Variants in SCARA5 observed in about 807,000 individuals in gnomAD.
The protein encoded by SCARA5 is scavenger receptor class A, member 5 (putative).
SCARA5 carries 45 observed loss-of-function variants against 46.3 expected under a neutral mutation model. The observed-to-expected ratio is 0.97, with a 90% CI of 0.76 to 1.24. SCARA5 has a LOEUF of 1.24. SCARA5 is among the 50% of genes most tolerant of loss of function. SCARA5 has a pLI of 0.00. For missense variants in SCARA5, 680 were observed against 689.0 expected, an observed-to-expected ratio of 0.99 and a Z score of 0.15; for synonymous variants, 333 against 306.5, an observed-to-expected ratio of 1.09 and a Z score of -0.90.
chr8:27,986,646 C>T (rs540705794), intron 2 of SCARA5, among the ~76,000 whole-genome samples: 114 of 152,306 alleles, frequency 7.5e-4, no homozygotes, highest in African/African-American at 2.5e-3. Context: ...CGGTTCTTTC[C>T]CTACACTCAG....
chr8:27,958,409 C>T (rs766405957), intron 3 of SCARA5, among the ~76,000 whole-genome samples: 3 of 152,156 alleles, frequency 2.0e-5, no homozygotes, highest in South Asian at 2.1e-4. Context: ...GTACAGTGAC[C>T]TGCCCAGGTG....
intron 3 of SCARA5, among the ~76,000 whole-genome samples, chr8:27,935,146 C>T (rs1425397019): frequency 6.6e-6 from 1 of 152,210 alleles, no homozygotes; most frequent in African/African-American, 2.4e-5. Flanking sequence ...TATCCAAGTT[C>T]TGATTTCTAG....
At chr8:27,978,342 TCTTTTCAC>T (rs1049854283) in intron 2 of SCARA5, among the ~76,000 whole-genome samples, 47 of 152,066 alleles carry the variant, frequency 3.1e-4, no homozygotes, top group South Asian at 2.1e-4. Context: ...GATTCTTGTG[TCTTTTCAC>T]CTTTTAAGGT....
intron 7 of SCARA5, among the ~76,000 whole-genome samples, chr8:27,893,512 T>C (rs1016658955): frequency 6.6e-6 from 1 of 151,764 alleles, no homozygotes; most frequent in Non-Finnish European, 1.5e-5. Flanking sequence ...TTACCCCAGA[T>C]GCCCCTGAAC....
At chr8:27,968,053 G>C (rs1431805147) in intron 2 of SCARA5, among the ~76,000 whole-genome samples, 3 of 152,110 alleles carry the variant, frequency 2.0e-5, no homozygotes, top group East Asian at 3.9e-4. Flanking sequence ...TTCCTTCATA[G>C]GTTCCCATTT....
At chr8:27,954,360 C>T (rs1212852617) in intron 3 of SCARA5, among the ~76,000 whole-genome samples, 1 of 152,126 alleles carries the variant, frequency 6.6e-6, no homozygotes, top group Non-Finnish European at 1.5e-5. Context: ...GAATGTGTAC[C>T]AGTAAACCTC....
intron 7 of SCARA5, among the ~76,000 whole-genome samples, chr8:27,880,679 C>T (rs1428474962): frequency 1.3e-5 from 2 of 151,864 alleles, no homozygotes; most frequent in African/African-American, 4.8e-5. Context: ...TGGGGAAACC[C>T]TGTCTCTACA....
At chr8:27,936,764 C>T (rs1397459636) in intron 3 of SCARA5, among the ~76,000 whole-genome samples, 4 of 151,930 alleles carry the variant, frequency 2.6e-5, no homozygotes, top group African/African-American at 7.3e-5. Context: ...CTGATGGTCA[C>T]GGATTTCCAT....
intron 3 of SCARA5, among the ~76,000 whole-genome samples, chr8:27,949,119 G>A (rs1334169049): frequency 2.0e-5 from 3 of 152,244 alleles, no homozygotes. Flanking sequence ...GGACAGAACA[G>A]TGAGCTTCAG....
chr8:27,919,985 A>G (rs1807555104), intron 4 of SCARA5, among the ~76,000 whole-genome samples: 2 of 151,060 alleles, frequency 1.3e-5, no homozygotes. Context: ...GTGGGCTTTG[A>G]GCAGGGGGAT....
intron 7 of SCARA5, among the ~76,000 whole-genome samples, chr8:27,881,647 C>T (rs1050941109): frequency 6.6e-6 from 1 of 152,126 alleles, no homozygotes; most frequent in Non-Finnish European, 1.5e-5. Context: ...AGGTAATAAA[C>T]CTGCACATGT....
chr8:27,985,802 G>A (rs1380925213), intron 2 of SCARA5, among the ~76,000 whole-genome samples: 1 of 152,228 alleles, frequency 6.6e-6, no homozygotes, highest in Non-Finnish European at 1.5e-5. Context: ...GACAGGACAT[G>A]GCTAGCATGG....
intron 7 of SCARA5, among the ~76,000 whole-genome samples, chr8:27,899,885 C>T (rs1237828524): frequency 6.6e-6 from 1 of 152,194 alleles, no homozygotes; most frequent in African/African-American, 2.4e-5. Context: ...TGCCTGTAAT[C>T]CCAGTACTTT....
At chr8:27,907,889 T>C (rs964845105) in intron 5 of SCARA5, among the ~76,000 whole-genome samples, 1 of 152,136 alleles carries the variant, frequency 6.6e-6, no homozygotes, top group Non-Finnish European at 1.5e-5. Flanking sequence ...CAAACACTTT[T>C]TTGAGTGCTT....
At chr8:27,929,891 C>G (rs988544111) in intron 3 of SCARA5, among the ~76,000 whole-genome samples, 1 of 152,192 alleles carries the variant, frequency 6.6e-6, no homozygotes, top group Admixed American at 6.5e-5. Flanking sequence ...AGAGCTCAGG[C>G]AGGCTCAGAA....
intron 7 of SCARA5, among the ~76,000 whole-genome samples, chr8:27,880,735 G>A (rs1445565594): frequency 6.6e-6 from 1 of 151,758 alleles, no homozygotes; most frequent in South Asian, 2.1e-4. Flanking sequence ...CATGCCTGTG[G>A]TGCTAGCTAC....
intron 8 of SCARA5, among the ~76,000 whole-genome samples, chr8:27,873,875 C>T (rs1300723585): frequency 6.6e-6 from 1 of 152,084 alleles, no homozygotes; most frequent in East Asian, 1.9e-4. Flanking sequence ...CCCGTCTCTA[C>T]CCCGTCTCTA....
At chr8:27,930,645 G>GC (rs1236170561) in intron 3 of SCARA5, among the ~76,000 whole-genome samples, 2 of 152,020 alleles carry the variant, frequency 1.3e-5, no homozygotes, top group Non-Finnish European at 2.9e-5. Flanking sequence ...CAGGTGATCC[G>GC]CCCCCCTCGG....
chr8:27,880,139 C>T (rs1223954035), intron 7 of SCARA5, among the ~76,000 whole-genome samples: 7 of 101,568 alleles, frequency 6.9e-5, no homozygotes, highest in Admixed American at 2.2e-4. Flanking sequence ...GTTGGCTAGC[C>T]GTATGCAGAA....
Sources: gnomAD v4.1 joint callset for allele counts (sites outside exome capture counted in the v4.1 genomes callset) on GRCh38, gnomAD v4.1.1 for gene constraint, MANE v1.5 for transcripts, NCBI Gene and HGNC (gene_info 2026-07-23, HGNC 2026-07-21) for gene names.